Variants in SMC1B observed in about 807,000 individuals in gnomAD.
SMC1B encodes structural maintenance of chromosomes protein 1B.
A neutral mutation model predicts 157.9 loss-of-function variants in SMC1B; 60 were observed. The observed-to-expected ratio is 0.38, with a 90% confidence interval of 0.31 to 0.47. SMC1B has a LOEUF of 0.47. SMC1B is among the 20% of genes least tolerant of loss of function. The pLI, the probability that SMC1B is intolerant of heterozygous loss-of-function variation, is 0.99. For missense variants in SMC1B, 1,165 were observed against 1,426.2 expected (o/e 0.82, Z 2.95); for synonymous variants, 445 against 483.0 (o/e 0.92, Z 1.03).
At chr22:45,349,348 T>TTTTGG (rs2146754400) in intron 23 of SMC1B, among the ~76,000 whole-genome samples, 1 of 149,802 alleles carries the variant, frequency 6.7e-6, no homozygotes, top group African/African-American at 2.4e-5. Context: ...TTTTGTTTTG[T>TTTTGG]TTTTTTGAGA....
chr22:45,412,769 G>A (rs2087359243), intron 1 of SMC1B, among the ~76,000 whole-genome samples: 1 of 152,134 alleles, frequency 6.6e-6, no homozygotes, highest in African/African-American at 2.4e-5. Flanking sequence ...CATGCGCCAT[G>A]GCTAACCAAA....
Position 45,344,565 on chromosome 22 carries a change from C to T in SMC1B, c.3699G>A (p.Glu1233=), listed in dbSNP as rs1170584197. The part of the protein sequence containing the change: ...EGQESSKRHG[E]SR ...TGCTGCAGGACTGCCCCTAGCGGGA[C>T]TCTCCGTGTCTCTTGCTGCTTTCTT... Residue 1233 remains glutamate (E), a synonymous_variant, in exon 25 of 25, where the codon GAG becomes GAA. Transcript: ENST00000357450. 6.2e-7 allele frequency: 1 copy of T among 1,612,802 alleles called. No individual in the cohort carries two copies. The highest frequency in any genetic ancestry group is 2.2e-5 in the East Asian group (1 of 44,886).
At chr22:45,413,356 G>A (rs1469299223) in intron 1 of SMC1B, 103 bp downstream of exon 1, 2 of 904,132 alleles carry the variant, frequency 2.2e-6, no homozygotes, top group Non-Finnish European at 3.3e-6. Context: ...GGGGAAGGCC[G>A]GCCAGGCGCC....
At chr22:45,352,349 T>C in intron 22 of SMC1B, 102 bp downstream of exon 22, 1 of 1,082,326 alleles carries the variant, frequency 9.2e-7, no homozygotes, top group Middle Eastern at 2.2e-4. Flanking sequence ...TTGTATCTCA[T>C]TTGCTAAATA....
At chr22:45,387,278 C>A (rs2086999499) in intron 10 of SMC1B, among the ~76,000 whole-genome samples, 2 of 151,242 alleles carry the variant, frequency 1.3e-5, no homozygotes, top group South Asian at 4.2e-4. Context: ...TGAAACCCTG[C>A]CTCTACTAAA....
Position 45,412,630 on chromosome 22 carries a change from C to T in SMC1B, c.109+829G>A, listed in dbSNP as rs548703250. 2.6e-5 allele frequency among the ~76,000 whole-genome samples: 4 copies of T among 151,486 alleles called. No individual in the cohort carries two copies. The East Asian group carries it at 7.8e-4, about 30-fold the overall frequency. The stretch of plus-strand genomic sequence containing the variant: ...CAAGCGATTCTCCCGCCTCAGCCTC[C>T]AGAGTAGTTGGGATTACAGGCGTGT... On this transcript the variant is annotated intron_variant, in intron 1 of 24. Coordinates refer to ENST00000357450, the MANE Select transcript of SMC1B (RefSeq NM_148674.5).
In SMC1B at chr22:45,408,583, A is replaced by C. The variant is rs1448913571; in HGVS notation, c.298+127T>G. 5.1e-6 allele frequency: 3 copies of C among 593,464 alleles called. No homozygotes were observed. In the African/African-American group the frequency reaches 5.8e-5, roughly 12 times the overall value. The allele number at this position is 593,464 out of a possible 1,614,324, so 36.8% of individuals were successfully genotyped here. On this transcript the variant is annotated intron_variant, in intron 2 of 24. Coordinates refer to ENST00000357450, the MANE Select transcript of SMC1B (RefSeq NM_148674.5). ...TACTTGCTTCTGAGATATGCTATGC[A>C]AGAGAAAAAAGAACTCTAGTTCATT...
chr22:45,346,391 AAT>A (rs2086552333), intron 23 of SMC1B, among the ~76,000 whole-genome samples: 1 of 152,256 alleles, frequency 6.6e-6, no homozygotes, highest in Non-Finnish European at 1.5e-5. Flanking sequence ...AAATGGACTC[AAT>A]AGAGATGAGT....
intron 14 of SMC1B, 69 bp downstream of exon 14, chr22:45,371,401 AG>A (rs1321075080): frequency 2.2e-5 from 32 of 1,444,248 alleles, no homozygotes; most frequent in Non-Finnish European, 2.8e-5. Flanking sequence ...CATATATTTA[AG>A]AAGCCCTAAA....
At chr22:45,358,632 G>A in intron 19 of SMC1B, 65 bp downstream of exon 19, 1 of 975,568 alleles carries the variant, frequency 1.0e-6, no homozygotes, top group Admixed American at 2.6e-5. Context: ...ATCCAAAAAT[G>A]ATTCGGTAAG....
At chr22:45,371,678 A>G in intron 13 of SMC1B, 91 bp from the exon 14 acceptor site, 1 of 1,427,260 alleles carries the variant, frequency 7.0e-7, no homozygotes. Flanking sequence ...TTGGAATAAA[A>G]GAAGAATCTA....
Position 45,413,029 on chromosome 22 carries a change from C to T in SMC1B, c.109+430G>A, listed in dbSNP as rs141423716. Among the ~76,000 whole-genome samples, 742 of 149,770 alleles carry T rather than the reference C, an allele frequency of 5.0e-3. 7 individuals carry two copies. The highest frequency in any genetic ancestry group is 0.017 in the African/African-American group (694 of 40,038). On this transcript the variant is annotated intron_variant, in intron 1 of 24. Coordinates refer to ENST00000357450, the MANE Select transcript of SMC1B (RefSeq NM_148674.5). ...AACAGGGCCCAGGGCGGGACCGGGG[C>T]GGAGAGGAAGCGTCAGGACCCCCAG... is the stretch of plus-strand genomic sequence containing the variant.
At chr22:45,391,006 AG>A (rs2087052040) in intron 9 of SMC1B, among the ~76,000 whole-genome samples, 2 of 150,656 alleles carry the variant, frequency 1.3e-5, no homozygotes, top group East Asian at 3.9e-4. Flanking sequence ...TGATTATCTC[AG>A]GCCTTTCTTC....
chr22:45,354,100 A>C lies in SMC1B; in HGVS notation c.3151T>G (p.Cys1051Gly). 6.3e-7 allele frequency: 1 copy of C among 1,593,882 alleles called. No individual in the cohort carries two copies. Among genetic ancestry groups the C allele is most frequent in the Non-Finnish European group, 8.5e-7 (1 of 1,173,086 alleles). ...TTCACTTGCTCGAACTCTTGCCTAC[A>C]CAGTCTGGCTTCCTTTCTGCTGGCC... ...FEASRKEARL[C>G]RQEFEQVKKR... Residue 1051 changes from cysteine to glycine, a missense_variant, in exon 21 of 25, where the codon TGT becomes GGT. Cys to Gly is a radical substitution (Grantham distance 159). Coordinates refer to ENST00000357450, the MANE Select transcript of SMC1B (RefSeq NM_148674.5).
At chr22:45,383,158 A>G (rs2086954196) in intron 12 of SMC1B, among the ~76,000 whole-genome samples, 1 of 151,998 alleles carries the variant, frequency 6.6e-6, no homozygotes. Context: ...AAAACAAACA[A>G]AAAACTTGCT....
chr22:45,390,009 T>C (rs773515442), intron 9 of SMC1B, 112 bp from the exon 10 acceptor site: 2 of 816,166 alleles, frequency 2.5e-6, no homozygotes, highest in Non-Finnish European at 3.8e-6. Context: ...TTTATAAAAT[T>C]ACATACATCA....
chr22:45,413,380 C>T (rs897617856), intron 1 of SMC1B, 79 bp downstream of exon 1: 1 of 1,173,274 alleles, frequency 8.5e-7, no homozygotes, highest in African/African-American at 1.6e-5. Flanking sequence ...GGCAGACGCC[C>T]ACACCCCACA....
intron 2 of SMC1B, 152 bp from the exon 3 acceptor site, chr22:45,407,017 A>C: frequency 1.7e-6 from 1 of 574,134 alleles, no homozygotes; most frequent in Non-Finnish European, 2.9e-6. Context: ...GAGTCAACAA[A>C]TATTGAGTGT....
intron 12 of SMC1B, among the ~76,000 whole-genome samples, chr22:45,376,292 G>A (rs1350154039): frequency 6.6e-6 from 1 of 152,064 alleles, no homozygotes; most frequent in East Asian, 1.9e-4. Flanking sequence ...GACTACTCTA[G>A]GTACCTCATG....
Sources: gnomAD v4.1 joint callset for allele counts (sites outside exome capture counted in the v4.1 genomes callset) on GRCh38, gnomAD v4.1.1 for gene constraint, MANE v1.5 for transcripts, NCBI Gene and HGNC (gene_info 2026-07-23, HGNC 2026-07-21) for gene names.